CDK5RAP2: variants seen among roughly 807,000 people sequenced by gnomAD.
CDK5RAP2 encodes CDK5 regulatory subunit associated protein 2.
CDK5RAP2 carries 147 observed loss-of-function variants against 232.9 expected under a neutral mutation model. The ratio of observed to expected loss-of-function variants is 0.63; its 90% CI spans 0.55 to 0.72. The LOEUF (loss-of-function observed/expected upper bound fraction) is 0.72. Ranked by LOEUF, CDK5RAP2 falls within the 30% of genes least tolerant of loss-of-function variation. The pLI, the probability that CDK5RAP2 is intolerant of heterozygous loss-of-function variation, is 0.00. For missense variants in CDK5RAP2, 2,195 were observed against 2,231.5 expected, an observed-to-expected ratio of 0.98 and a Z score of 0.33; for synonymous variants, 833 against 833.7, an observed-to-expected ratio of 1.00 and a Z score of 0.01.
intron 15 of CDK5RAP2, among the ~76,000 whole-genome samples, chr9:120,475,714 T>A (rs578127826): frequency 1.3e-5 from 2 of 152,326 alleles, no homozygotes; most frequent in Non-Finnish European, 2.9e-5. Context: ...GTTTTCATTT[T>A]CCCTAAACTC....
rs551251617 is a variant in CDK5RAP2 at position 120,454,502 on chromosome 9, T to C, written c.2376-629A>G. Among the ~76,000 whole-genome samples the C allele has an allele frequency of 2.6e-5, 4 of 152,344 alleles. No individual in the cohort carries two copies. In the South Asian group the frequency reaches 8.3e-4, roughly 32 times the overall value. ...GATAAGTATTCCTCCACAAGACAGC[T>C]ATGAGGATTAAACAAGATAGTGTAT... On this transcript the variant is annotated intron_variant, in intron 20 of 37. Transcript: ENST00000349780.
chr9:120,489,953 A>G (rs1183390753), intron 13 of CDK5RAP2, among the ~76,000 whole-genome samples: 1 of 152,008 alleles, frequency 6.6e-6, no homozygotes, highest in African/African-American at 2.4e-5. Flanking sequence ...GATTACAGGC[A>G]TGCACCACCA....
At chr9:120,546,968 ATG>A (rs1197029596) in intron 4 of CDK5RAP2, among the ~76,000 whole-genome samples, 1 of 138,458 alleles carries the variant, frequency 7.2e-6, no homozygotes, top group Non-Finnish European at 1.6e-5. Context: ...TCCATAATAC[ATG>A]TGTTTTTTGT....
intron 20 of CDK5RAP2, among the ~76,000 whole-genome samples, chr9:120,457,188 C>T (rs1173091321): frequency 6.6e-6 from 1 of 152,114 alleles, no homozygotes; most frequent in South Asian, 2.1e-4. Context: ...ATCCCCCAAC[C>T]AAGTGTCAGA....
chr9:120,394,744 A>G (rs2032314013), intron 35 of CDK5RAP2, 106 bp from the exon 36 acceptor site: 3 of 945,090 alleles, frequency 3.2e-6, no homozygotes, highest in Non-Finnish European at 4.9e-6. Context: ...CTCACTAGCA[A>G]AAATATTTGA....
chr9:120,465,458 T>C (rs2037324597), intron 18 of CDK5RAP2, among the ~76,000 whole-genome samples: 1 of 152,134 alleles, frequency 6.6e-6, no homozygotes, highest in Admixed American at 6.6e-5. Context: ...CTACGTGAAC[T>C]ACCAACAGGC....
rs201166996 is a variant in CDK5RAP2, at chr9:120,498,647, A to G, written c.1312-7170T>C. 3.9e-5 allele frequency among the ~76,000 whole-genome samples: 6 copies of G among 152,236 alleles called. No homozygotes were observed. In the East Asian group the frequency reaches 1.2e-3, roughly 29 times the overall value. The stretch of plus-strand genomic sequence containing the variant: ...GCAAAATGTTAACACTAGGGGATAT[A>G]TGGGAACTCGCTATATTGTTTTTGC... On this transcript the variant is annotated intron_variant, in intron 12 of 37. Coordinates refer to ENST00000349780, the MANE Select transcript of CDK5RAP2 (RefSeq NM_018249.6).
chr9:120,395,606 C>G (rs1276064344), intron 35 of CDK5RAP2, among the ~76,000 whole-genome samples: 1 of 152,224 alleles, frequency 6.6e-6, no homozygotes, highest in African/African-American at 2.4e-5. Context: ...TCTGCTGCGC[C>G]GAAACACTTC....
chr9:120,518,214 AGAGAGAGAGAGAG>A (rs1564327873), intron 12 of CDK5RAP2, among the ~76,000 whole-genome samples, 200 bp downstream of exon 12: 5 of 25,004 alleles, frequency 2.0e-4, no homozygotes, highest in African/African-American at 4.6e-4. Context: ...TGTGTGTGAG[AGAGAGAGAGAGAG>A]AGAGAGAGAG....
At chr9:120,394,880 C>T (rs991274015) in intron 35 of CDK5RAP2, among the ~76,000 whole-genome samples, 2 of 152,184 alleles carry the variant, frequency 1.3e-5, no homozygotes, top group Non-Finnish European at 2.9e-5. Flanking sequence ...CCAGTGAGAA[C>T]GCCCTGGCAA....
intron 12 of CDK5RAP2, among the ~76,000 whole-genome samples, chr9:120,508,516 T>C (rs1312281969): frequency 6.6e-6 from 1 of 152,226 alleles, no homozygotes; most frequent in East Asian, 1.9e-4. Context: ...AACAGTATGG[T>C]GCTAGCTGTG....
At chr9:120,413,541 G>A (rs867870766) in intron 28 of CDK5RAP2, among the ~76,000 whole-genome samples, 8 of 152,206 alleles carry the variant, frequency 5.3e-5, no homozygotes, top group South Asian at 2.1e-4. Flanking sequence ...GAATGCTTTT[G>A]TAAACCTTCC....
chr9:120,458,665 AGGGAATG>A, intron 19 of CDK5RAP2, 43 bp from the exon 20 acceptor site: 1 of 1,579,770 alleles, frequency 6.3e-7, no homozygotes, highest in Non-Finnish European at 8.7e-7. Context: ...ATAAGGAGGA[AGGGAATG>A]GGGTGTGTGG....
chr9:120,452,849 A>G (rs1415664153), intron 21 of CDK5RAP2, among the ~76,000 whole-genome samples: 3 of 152,058 alleles, frequency 2.0e-5, no homozygotes, highest in African/African-American at 7.3e-5. Flanking sequence ...ACCGGTTAAC[A>G]ACGGGAACAT....
intron 7 of CDK5RAP2, among the ~76,000 whole-genome samples, chr9:120,533,558 G>C (rs996002832): frequency 1.3e-5 from 2 of 152,058 alleles, no homozygotes; most frequent in African/African-American, 4.8e-5. Flanking sequence ...CCAGCACTTT[G>C]AGAGGCCGGC....
Position 120,547,709 on chromosome 9 carries a change from C to T in CDK5RAP2, c.307-1919G>A, listed in dbSNP as rs185663338. Among the ~76,000 whole-genome samples the T allele has an allele frequency of 1.0e-3, 154 of 152,198 alleles. 1 individual carries two copies. Among genetic ancestry groups the T allele is most frequent in the African/African-American group, 3.4e-3 (140 of 41,542 alleles). ...AGCAAGTACTTCACGTTGAGAAGTACAGCCATGACAGTAAGGTCATGGGTG... is the reference window on the plus strand; with the variant it reads ...AGCAAGTACTTCACGTTGAGAAGTATAGCCATGACAGTAAGGTCATGGGTG... On this transcript the variant is annotated intron_variant, in intron 4 of 37. Transcript: ENST00000349780.
Position 120,403,728 on chromosome 9 carries a change from T to TA in CDK5RAP2, c.5041+307dup. On this transcript the variant is annotated intron_variant, in intron 33 of 37. Transcript: ENST00000349780. The surrounding 1 kb of genome is among the most constrained non-coding windows in gnomAD (Gnocchi z 4.2). ...TGACCCCTGTGTGGCTACACCAGGT[T>TA]AAGGGATAAGGCTGGACGGACCCAC... The TA allele has an allele frequency of 2.3e-6, 1 of 440,112 alleles. No individual in the cohort carries two copies. Among genetic ancestry groups the TA allele is most frequent in the South Asian group, 2.1e-5 (1 of 46,570 alleles). 27.3% of individuals were successfully genotyped at this position (440,112 alleles called of 1,614,324 possible). A position where few individuals can be genotyped will look rare whatever the true frequency, so the allele number is the denominator to read the frequency against.
chr9:120,513,538 G>A (rs564962096), intron 12 of CDK5RAP2, among the ~76,000 whole-genome samples: 1 of 152,088 alleles, frequency 6.6e-6, no homozygotes, highest in Non-Finnish European at 1.5e-5. Context: ...CTAAACCTTA[G>A]CCTTCTATAC....
At chr9:120,436,374 C>T (rs1306615678) in intron 25 of CDK5RAP2, among the ~76,000 whole-genome samples, 1 of 152,104 alleles carries the variant, frequency 6.6e-6, no homozygotes, top group African/African-American at 2.4e-5. Flanking sequence ...TTAAAGGAGA[C>T]GAGAGACACA....
Sources: allele counts gnomAD v4.1 joint callset (sites outside exome capture counted in the v4.1 genomes callset), GRCh38; gene constraint gnomAD v4.1.1; non-coding constraint Gnocchi (gnomAD v3.1); transcripts MANE v1.5; gene names NCBI Gene and HGNC (gene_info 2026-07-23, HGNC 2026-07-21).